The following CNTNAP2 variants were observed in gnomAD, a reference collection of about 807,000 sequenced individuals.
CNTNAP2 encodes contactin associated protein 2.
CNTNAP2 carries 98 observed loss-of-function variants against 155.2 expected under a neutral mutation model. That is an observed-to-expected ratio of 0.63 (90% CI 0.54 to 0.75). CNTNAP2 has a LOEUF of 0.75. Among genes scored for constraint, CNTNAP2 ranks in the 30% least tolerant of loss-of-function variants. The pLI is 0.00. For synonymous variants in CNTNAP2, 651 were observed against 631.2 expected, an observed-to-expected ratio of 1.03 and a Z score of -0.47; for missense variants, 1,727 against 1,688.1, an observed-to-expected ratio of 1.02 and a Z score of -0.40.
At chr7:146,402,503 A>G (rs1795728451) in intron 1 of CNTNAP2, among the ~76,000 whole-genome samples, 1 of 152,166 alleles carries the variant, frequency 6.6e-6, no homozygotes, top group Admixed American at 6.5e-5. Context: ...TAATCATGCT[A>G]CAGACGAACT....
intron 10 of CNTNAP2, among the ~76,000 whole-genome samples, chr7:147,427,764 GT>G (rs1797403609): frequency 6.6e-6 from 1 of 152,138 alleles, no homozygotes; most frequent in Admixed American, 6.5e-5. Flanking sequence ...CTCTCTGCCT[GT>G]TATTCATTTT....
intron 1 of CNTNAP2, among the ~76,000 whole-genome samples, chr7:146,547,503 C>T (rs560756645): frequency 2.0e-5 from 3 of 152,036 alleles, no homozygotes; most frequent in Non-Finnish European, 4.4e-5. Flanking sequence ...TCCCTCTTCC[C>T]TCAGCTCCTG....
intron 9 of CNTNAP2, 23 bp downstream of exon 9, chr7:147,300,313 G>T: frequency 6.2e-7 from 1 of 1,613,286 alleles, no homozygotes; most frequent in Non-Finnish European, 8.5e-7. Flanking sequence ...TTCCTTTTTG[G>T]TTACTAATCC....
At chr7:146,555,289 C>G (rs763482023) in intron 1 of CNTNAP2, among the ~76,000 whole-genome samples, 1 of 152,162 alleles carries the variant, frequency 6.6e-6, no homozygotes, top group South Asian at 2.1e-4. Flanking sequence ...TGAAAAGAAA[C>G]CTTTGCTTTA....
chr7:148,304,085 C>A (rs545325481), intron 21 of CNTNAP2, among the ~76,000 whole-genome samples: 1 of 152,178 alleles, frequency 6.6e-6, no homozygotes, highest in African/African-American at 2.4e-5. Flanking sequence ...TCATTTAAAA[C>A]CTTATGCTTG....
chr7:147,367,663 T>TG (rs1796257996), intron 9 of CNTNAP2, among the ~76,000 whole-genome samples: 1 of 152,180 alleles, frequency 6.6e-6, no homozygotes, highest in Non-Finnish European at 1.5e-5. Context: ...ACCCTTATTC[T>TG]GGCCACTCAT....
intron 1 of CNTNAP2, among the ~76,000 whole-genome samples, chr7:146,493,183 A>T (rs1228756133): frequency 6.6e-6 from 1 of 152,174 alleles, no homozygotes; most frequent in Non-Finnish European, 1.5e-5. Flanking sequence ...CCGTTTATCC[A>T]CAAGTATTAA....
At chr7:146,908,900 C>T (rs1403230670) in intron 3 of CNTNAP2, among the ~76,000 whole-genome samples, 14 of 147,966 alleles carry the variant, frequency 9.5e-5, no homozygotes, top group Admixed American at 3.3e-4. Flanking sequence ...ATTGATAGAC[C>T]ACTAGCAAGA....
chr7:147,042,553 A>T (rs1799280180), intron 3 of CNTNAP2, among the ~76,000 whole-genome samples: 1 of 151,946 alleles, frequency 6.6e-6, no homozygotes, highest in Admixed American at 6.6e-5. Flanking sequence ...ATTTTTTTTT[A>T]ATTAAAAACA....
chr7:148,199,524 G>T (rs1020252334), intron 18 of CNTNAP2, among the ~76,000 whole-genome samples: 1 of 152,164 alleles, frequency 6.6e-6, no homozygotes, highest in Non-Finnish European at 1.5e-5. Context: ...GTCTCCAAAG[G>T]CTGGAAAAAT....
chr7:146,803,650 C>T (rs896691344), intron 2 of CNTNAP2, among the ~76,000 whole-genome samples: 1 of 152,116 alleles, frequency 6.6e-6, no homozygotes, highest in African/African-American at 2.4e-5. Flanking sequence ...GTAGATTATA[C>T]TTCCTGGAAA....
intron 13 of CNTNAP2, among the ~76,000 whole-genome samples, chr7:147,796,022 G>A (rs1170367013): frequency 6.6e-6 from 1 of 151,996 alleles, no homozygotes; most frequent in Non-Finnish European, 1.5e-5. Flanking sequence ...ATAATTATTT[G>A]GCCCAAACTA....
chr7:146,875,934 CAAAAAAAAAAAAAAAAA>C (rs56304234), intron 3 of CNTNAP2, among the ~76,000 whole-genome samples: 1 of 55,134 alleles, frequency 1.8e-5, no homozygotes, highest in South Asian at 1.5e-3. Context: ...ACATACACAG[CAAAAAAAAAAAAAAAAA>C]AAAAAAAAAA....
chr7:146,926,526 A>G (rs1323837622), intron 3 of CNTNAP2, among the ~76,000 whole-genome samples: 2 of 152,118 alleles, frequency 1.3e-5, no homozygotes, highest in Admixed American at 6.6e-5. Flanking sequence ...CAGATCCTCA[A>G]TAAGTAGTTG....
intron 1 of CNTNAP2, among the ~76,000 whole-genome samples, chr7:146,206,705 A>C (rs571181782): frequency 3.3e-5 from 5 of 152,112 alleles, no homozygotes; most frequent in African/African-American, 1.2e-4. Context: ...AAAACATGAA[A>C]TACACAACTT....
intron 8 of CNTNAP2, among the ~76,000 whole-genome samples, chr7:147,293,253 C>T (rs112283307): frequency 6.6e-6 from 1 of 152,042 alleles, no homozygotes; most frequent in Non-Finnish European, 1.5e-5. Flanking sequence ...AACAAAAGTA[C>T]CTTGTACCTG....
At chr7:146,155,688 T>TATC (rs1798114717) in intron 1 of CNTNAP2, among the ~76,000 whole-genome samples, 1 of 98,114 alleles carries the variant, frequency 1.0e-5, no homozygotes. Context: ...ACAATATCAT[T>TATC]ATTATTATTA....
chr7:148,129,570 A>C (rs1489081477), intron 16 of CNTNAP2, among the ~76,000 whole-genome samples: 1 of 152,216 alleles, frequency 6.6e-6, no homozygotes, highest in Non-Finnish European at 1.5e-5. Context: ...TGAATGGAAA[A>C]GTAGAAAAAG....
chr7:146,229,803 T>G (rs1799355158), intron 1 of CNTNAP2, among the ~76,000 whole-genome samples: 1 of 152,142 alleles, frequency 6.6e-6, no homozygotes, highest in Admixed American at 6.5e-5. Flanking sequence ...TAGCTTGGTT[T>G]CAGTTCCTAT....
Sources: allele counts gnomAD v4.1 joint callset (sites outside exome capture counted in the v4.1 genomes callset), GRCh38; gene constraint gnomAD v4.1.1; transcripts MANE v1.5; gene names NCBI Gene and HGNC (gene_info 2026-07-23, HGNC 2026-07-21).